The following VIPR1 variants were observed in gnomAD, a reference collection of about 807,000 sequenced individuals.
VIPR1 encodes vasoactive intestinal peptide receptor 1.
Under a neutral mutation model 58.8 loss-of-function variants are expected in VIPR1, and 59 were observed. The ratio of observed to expected loss-of-function variants is 1.00; its 90% CI spans 0.81 to 1.25. VIPR1 has a LOEUF of 1.25. Among genes scored for constraint, VIPR1 ranks in the 50% most tolerant of loss-of-function variants. VIPR1 has a pLI of 0.00. For missense variants in VIPR1, 626 were observed against 602.7 expected, an observed-to-expected ratio of 1.04 and a Z score of -0.40; for synonymous variants, 251 against 242.1, an observed-to-expected ratio of 1.04 and a Z score of -0.34.
At chr3:42,504,902 C>CAAAAAAA (rs56310463) in intron 1 of VIPR1, among the ~76,000 whole-genome samples, 1 of 52,962 alleles carries the variant, frequency 1.9e-5, no homozygotes, top group Non-Finnish European at 3.7e-5. Context: ...AAAAGGGAGG[C>CAAAAAAA]AAAAAAAAAA....
chr3:42,511,464 G>C (rs922926791), intron 1 of VIPR1, among the ~76,000 whole-genome samples: 8 of 152,132 alleles, frequency 5.3e-5, no homozygotes, highest in African/African-American at 1.9e-4. Flanking sequence ...CCTGGAAGAG[G>C]GTTCATCAGA....
intron 1 of VIPR1, among the ~76,000 whole-genome samples, chr3:42,492,848 G>A (rs1699690724): frequency 1.3e-5 from 2 of 152,318 alleles, no homozygotes; most frequent in African/African-American, 4.8e-5. Flanking sequence ...GCTGCGCCCT[G>A]GACACCAGGC....
rs1391365863 is a variant in VIPR1 at position 42,535,004 on chromosome 3, T to A, written c.1040T>A (p.Ile347Asn). 1 of 1,614,188 alleles carries A rather than the reference T, an allele frequency of 6.2e-7. No individual in the cohort carries two copies. The highest frequency in any genetic ancestry group is 2.2e-5 in the East Asian group (1 of 44,880). ...SRLARSTLLL[I>N]PLFGVHYIMF... ...CTAGCCAGGTCCACACTCCTGCTGA[T>A]CCCCCTGTTTGGAGTACACTACATC... Residue 347 changes from isoleucine to asparagine, a missense_variant, in exon 11 of 13, where the codon ATC becomes AAC. Transcript: ENST00000325123.
At position 42,531,511 on chromosome 3, in the gene VIPR1, G is replaced by T; in HGVS notation, c.831G>T (p.Arg277Ser). 1 of 1,595,990 alleles carries T rather than the reference G, an allele frequency of 6.3e-7. No homozygotes were observed. Among genetic ancestry groups the T allele is most frequent in the Non-Finnish European group, 8.5e-7 (1 of 1,170,542 alleles). The change falls in exon 8 of 13, where the codon AGG becomes AGT. Residue 277 changes from arginine (R) to serine (S), a missense_variant. By Grantham distance (110) the Arg-to-Ser change is moderately radical. Coordinates refer to ENST00000325123, the MANE Select transcript of VIPR1 (RefSeq NM_004624.4). ...TCACCATGGTGTGGACCATCGCCAG[G>T]ATCCATTTTGAGGATTATGGGTGAG... ...STFTMVWTIA[R>S]IHFEDYGCWD...
chr3:42,513,077 TG>T (rs1700439553), intron 1 of VIPR1: 3 of 624,140 alleles, frequency 4.8e-6, no homozygotes, highest in Non-Finnish European at 6.0e-6. Context: ...GGAGGCCTGG[TG>T]GGATCCTAGA....
chr3:42,535,440 C>T, intron 12 of VIPR1, 56 bp downstream of exon 12: 8 of 1,582,766 alleles, frequency 5.1e-6, no homozygotes, highest in South Asian at 1.1e-5. Context: ...GACCAGGGTC[C>T]GGAAACATTG....
At chr3:42,519,620 G>C (rs1700811723) in intron 3 of VIPR1, 1 of 266,072 alleles carries the variant, frequency 3.8e-6, no homozygotes, top group Non-Finnish European at 7.1e-6. Context: ...TAGTCCTGTT[G>C]TCTTGGGCTG....
At chr3:42,493,385 G>A (rs1356336834) in intron 1 of VIPR1, among the ~76,000 whole-genome samples, 1 of 152,224 alleles carries the variant, frequency 6.6e-6, no homozygotes, top group East Asian at 1.9e-4. Context: ...CCACGGCCGA[G>A]CATGGGGCTG....
At position 42,522,117 on chromosome 3, in the gene VIPR1, T is replaced by A. The variant is rs1349078787; in HGVS notation, c.292+2787T>A. 9.2e-4 allele frequency among the ~76,000 whole-genome samples: 79 copies of A among 85,822 alleles called. 1 individual carries two copies. Among genetic ancestry groups the A allele is most frequent in the African/African-American group, 2.5e-3 (52 of 20,518 alleles). The allele number at this position is 85,822 out of a possible 152,430, so 56.3% of individuals were successfully genotyped here. A position where few individuals can be genotyped will look rare whatever the true frequency, so the allele number is the denominator to read the frequency against. On this transcript the variant is annotated intron_variant, in intron 3 of 12. Coordinates refer to ENST00000325123, the MANE Select transcript of VIPR1 (RefSeq NM_004624.4). ...TATATATATATTTTTTTTTTTTTTTTTTTTTTTTTTTTTAGACAGCGTCTC... is the reference window on the plus strand; with the variant it reads ...TATATATATATTTTTTTTTTTTTTTATTTTTTTTTTTTTAGACAGCGTCTC...
At chr3:42,507,840 A>G (rs1700184680) in intron 1 of VIPR1, 1 of 151,216 alleles carries the variant, frequency 6.6e-6, no homozygotes, top group Admixed American at 6.6e-5. Context: ...CCAAAGCACA[A>G]TCCTGTATCC....
rs1320253011 is a variant in VIPR1, at chr3:42,536,222, C to T, written c.1315C>T (p.Arg439Cys). The T allele has an allele frequency of 6.3e-7, 1 of 1,584,480 alleles. No individual in the cohort carries two copies. Among genetic ancestry groups the T allele is most frequent in the Admixed American group, 1.8e-5 (1 of 56,448 alleles). ...CAGCACGCAGGTTTCCATGCTGACC[C>T]GCGTCAGCCCAGGTGCCCGCCGCTC... Reference protein sequence around the residue: ...TCSTQVSMLTRVSPGARRSSS... With the variant: ...TCSTQVSMLTCVSPGARRSSS... Residue 439 changes from arginine to cysteine, a missense_variant, in exon 13 of 13, where the codon CGC (arginine) becomes TGC (cysteine). Transcript: ENST00000325123.
intron 9 of VIPR1, 109 bp from the exon 10 acceptor site, chr3:42,532,133 G>T: frequency 8.6e-7 from 1 of 1,165,334 alleles, no homozygotes. Flanking sequence ...AGGTAAGATA[G>T]AGAGAGGGGC....
intron 1 of VIPR1, chr3:42,512,423 A>T (rs1700402921): frequency 6.6e-6 from 1 of 152,192 alleles, no homozygotes; most frequent in East Asian, 1.9e-4. Flanking sequence ...GCCAGCTGGG[A>T]TGCACATCCC....
chr3:42,494,642 C>A (rs943938974), intron 1 of VIPR1, among the ~76,000 whole-genome samples: 10 of 152,184 alleles, frequency 6.6e-5, no homozygotes, highest in African/African-American at 2.4e-4. Context: ...CCTTGCTAAA[C>A]CTTTGTCTAT....
chr3:42,527,322 AC>A, intron 4 of VIPR1, 70 bp from the exon 5 acceptor site: 1 of 1,397,632 alleles, frequency 7.2e-7, no homozygotes, highest in Non-Finnish European at 1.0e-6. Context: ...AGGGCACCCC[AC>A]CCCTGCCAAT....
intron 6 of VIPR1, among the ~76,000 whole-genome samples, chr3:42,529,148 T>C (rs1160192569): frequency 2.6e-5 from 4 of 152,130 alleles, no homozygotes; most frequent in Non-Finnish European, 4.4e-5. Context: ...CACAGATAAC[T>C]GTCCTGGTAA....
At chr3:42,521,898 C>G (rs766092436) in intron 3 of VIPR1, among the ~76,000 whole-genome samples, 5 of 151,184 alleles carry the variant, frequency 3.3e-5, no homozygotes, top group Non-Finnish European at 5.9e-5. Flanking sequence ...CAGGCACCAG[C>G]CACCACACCT....
At chr3:42,512,334 G>A (rs1035491458) in intron 1 of VIPR1, 2 of 152,244 alleles carry the variant, frequency 1.3e-5, no homozygotes, top group Admixed American at 1.3e-4. Context: ...GAAAGGACTT[G>A]GCTGTGCAGC....
intron 5 of VIPR1, 92 bp downstream of exon 5, chr3:42,527,588 C>A: frequency 8.2e-7 from 1 of 1,222,758 alleles, no homozygotes; most frequent in Non-Finnish European, 1.2e-6. Flanking sequence ...GTGCCCCGAC[C>A]CCTCCACTGT....
Sources: allele counts gnomAD v4.1 joint callset (sites outside exome capture counted in the v4.1 genomes callset), GRCh38; gene constraint gnomAD v4.1.1; transcripts MANE v1.5; gene names NCBI Gene and HGNC (gene_info 2026-07-23, HGNC 2026-07-21).